Variants in SCNN1G observed in about 807,000 individuals in gnomAD.
The protein encoded by SCNN1G is sodium channel epithelial 1 subunit gamma.
In SCNN1G, 27 loss-of-function variants were observed where a neutral mutation model predicts 64.6. The observed-to-expected ratio is 0.42, with a 90% CI of 0.31 to 0.58. The LOEUF (loss-of-function observed/expected upper bound fraction) is 0.58, where lower values mean the gene tolerates loss of function less well. Among genes scored for constraint, SCNN1G ranks in the 20% least tolerant of loss-of-function variants. The probability of loss-of-function intolerance (pLI) is 0.18; values close to 1 mark genes in which losing one functional copy is unlikely to be tolerated. For missense variants in SCNN1G, 743 were observed against 823.4 expected (o/e 0.90, Z 1.19); for synonymous variants, 330 against 314.2 (o/e 1.05, Z -0.53).
chr16:23,186,806 T>C (rs1265784089), intron 2 of SCNN1G, among the ~76,000 whole-genome samples: 1 of 152,194 alleles, frequency 6.6e-6, no homozygotes, highest in Non-Finnish European at 1.5e-5. Flanking sequence ...GACTTGTTTT[T>C]TTTCTTTTCT....
rs896029487 is a variant in SCNN1G at position 23,190,831 on chromosome 16, ATTTTTTTTTTTTTT to A, written c.618+1177_618+1190del. Among the ~76,000 whole-genome samples, 14 of 56,232 alleles carry A rather than the reference ATTTTTTTTTTTTTT, an allele frequency of 2.5e-4. No homozygotes were observed. The Admixed American group carries it at 3.2e-3, about 13-fold the overall frequency. 36.9% of individuals were successfully genotyped at this position (56,232 alleles called of 152,430 possible). On this transcript the variant is annotated intron_variant, in intron 3 of 12. Transcript: ENST00000300061. Reference sequence around the variant, plus strand: ...TTCCCTTTTGGTCCCATTTGAGGGGATTTTTTTTTTTTTTTTTTTTTTTTTTTTTTGAGACAGAG... The same window carrying A: ...TTCCCTTTTGGTCCCATTTGAGGGGATTTTTTTTTTTTTTTTGAGACAGAG...
chr16:23,195,467 T>C (rs1456569619), intron 5 of SCNN1G, among the ~76,000 whole-genome samples: 2 of 152,212 alleles, frequency 1.3e-5, no homozygotes, highest in Non-Finnish European at 2.9e-5. Context: ...ATGTGATATG[T>C]AGATATACTC....
Position 23,216,658 on chromosome 16 carries a change from G to A in SCNN1G, c.*1189G>A, listed in dbSNP as rs1452022296. ...TATTTTTTATTTTTTGTAGAAATAGGATCTCACTATGTTGCCCAGGCTGTT... is the reference window on the plus strand; with the variant it reads ...TATTTTTTATTTTTTGTAGAAATAGAATCTCACTATGTTGCCCAGGCTGTT... On this transcript the variant is annotated 3_prime_UTR_variant, in exon 13 of 13. Transcript: ENST00000300061. The A allele has an allele frequency of 1.3e-5, 2 of 152,054 alleles. No individual in the cohort carries two copies. The highest frequency in any genetic ancestry group is 2.9e-5 in the Non-Finnish European group (2 of 68,008). The allele number at this position is 152,054 out of a possible 1,614,324, so 9.4% of individuals were successfully genotyped here. A position where few individuals can be genotyped will look rare whatever the true frequency, so the allele number is the denominator to read the frequency against.
chr16:23,190,115 G>A (rs1350454454), intron 3 of SCNN1G, among the ~76,000 whole-genome samples: 1 of 152,046 alleles, frequency 6.6e-6, no homozygotes, highest in East Asian at 1.9e-4. Context: ...AGAGCATTAG[G>A]ACAAATACCT....
At chr16:23,202,247 G>C (rs1357094363) in intron 6 of SCNN1G, among the ~76,000 whole-genome samples, 1 of 145,748 alleles carries the variant, frequency 6.9e-6, no homozygotes, top group Non-Finnish European at 1.5e-5. Flanking sequence ...ATGACAGATG[G>C]ATGGGTGGGT....
intron 4 of SCNN1G, 146 bp downstream of exon 4, chr16:23,192,688 A>C: frequency 1.4e-6 from 1 of 708,478 alleles, no homozygotes. Context: ...AACTGCTTAC[A>C]TGGGAGCTGT....
intron 6 of SCNN1G, among the ~76,000 whole-genome samples, chr16:23,201,023 G>A (rs1178543526): frequency 6.6e-6 from 1 of 152,212 alleles, no homozygotes; most frequent in Non-Finnish European, 1.5e-5. Context: ...GTATCAGCTT[G>A]AGCTGTGTGA....
In SCNN1G at chr16:23,189,522, C is replaced by G. The variant is rs561754036; in HGVS notation, c.469C>G (p.Arg157Gly). 1 of 1,614,226 alleles carries G rather than the reference C, an allele frequency of 6.2e-7. No individual in the cohort carries two copies. Among genetic ancestry groups the G allele is most frequent in the African/African-American group, 1.3e-5 (1 of 75,062 alleles). ...SEGKQPRFSH[R>G]IPLLIFDQDE... ...GGGAAAGCAGCCTAGATTCTCCCAC[C>G]GGATTCCGCTGCTGATCTTTGATCA... Residue 157 changes from arginine (R) to glycine (G), a missense_variant, in exon 3 of 13, where the codon CGG (arginine) becomes GGG (glycine). Physicochemically the swap from Arg to Gly is moderately radical, Grantham distance 125. Coordinates refer to ENST00000300061, the MANE Select transcript of SCNN1G (RefSeq NM_001039.4).
chr16:23,209,888 C>A, intron 7 of SCNN1G, 40 bp downstream of exon 7: 2 of 1,435,914 alleles, frequency 1.4e-6, no homozygotes, highest in Non-Finnish European at 2.0e-6. Flanking sequence ...GGGTTTATGG[C>A]CCGGACCCAG....
intron 3 of SCNN1G, 92 bp from the exon 4 acceptor site, chr16:23,192,260 G>GTTC: frequency 9.7e-7 from 1 of 1,031,056 alleles, no homozygotes; most frequent in Non-Finnish European, 1.5e-6. Context: ...CTGAGTATCT[G>GTTC]GCCTGGAGTC....
chr16:23,210,824 G>C (rs1217112346), intron 7 of SCNN1G, among the ~76,000 whole-genome samples: 1 of 152,034 alleles, frequency 6.6e-6, no homozygotes, highest in African/African-American at 2.4e-5. Flanking sequence ...TTGAGCCCAG[G>C]AGTTTGAGAC....
intron 7 of SCNN1G, among the ~76,000 whole-genome samples, chr16:23,210,930 A>G (rs1215470648): frequency 6.6e-6 from 1 of 152,164 alleles, no homozygotes; most frequent in African/African-American, 2.4e-5. Flanking sequence ...CTCAGCTATA[A>G]GGGAGGCTGA....
At chr16:23,207,174 A>C (rs746568948) in intron 6 of SCNN1G, among the ~76,000 whole-genome samples, 1 of 152,200 alleles carries the variant, frequency 6.6e-6, no homozygotes, top group Non-Finnish European at 1.5e-5. Flanking sequence ...AGTTTCCTGG[A>C]AGCAGGCCAT....
chr16:23,183,720 G>A (rs1308724541), intron 1 of SCNN1G, among the ~76,000 whole-genome samples: 1 of 152,196 alleles, frequency 6.6e-6, no homozygotes, highest in Non-Finnish European at 1.5e-5. Context: ...ATTAAATCAG[G>A]TAGTGTGTGA....
chr16:23,203,639 A>G (rs559501543), intron 6 of SCNN1G, among the ~76,000 whole-genome samples: 18 of 151,830 alleles, frequency 1.2e-4, no homozygotes, highest in Middle Eastern at 3.4e-3. Context: ...GTGTGGTGGC[A>G]GGCGCCTGTA....
At chr16:23,204,328 TATATATAGAGAGAG>T (rs1316793074) in intron 6 of SCNN1G, among the ~76,000 whole-genome samples, 7 of 45,044 alleles carry the variant, frequency 1.6e-4, no homozygotes, top group African/African-American at 3.4e-4. Context: ...TATATATATA[TATATATAGAGAGAG>T]AGAGAGAGAG....
At chr16:23,204,334 T>TATATATATATATATAGAGAGAG (rs1567267153) in intron 6 of SCNN1G, among the ~76,000 whole-genome samples, 4 of 15,174 alleles carry the variant, frequency 2.6e-4, no homozygotes, top group African/African-American at 8.5e-4. Context: ...TATATATATA[T>TATATATATATATATAGAGAGAG]AGAGAGAGAG....
Position 23,197,384 on chromosome 16 carries a change from C to G in SCNN1G, c.1034C>G (p.Thr345Arg). 6.2e-7 allele frequency: 1 copy of G among 1,614,054 alleles called. No individual in the cohort carries two copies. Residue 345 changes from threonine (T) to arginine (R), a missense_variant, in exon 6 of 13, where the codon ACA becomes AGA. Coordinates refer to ENST00000300061, the MANE Select transcript of SCNN1G (RefSeq NM_001039.4). ...DEYPFVEDVG[T>R]EIETAMVTSI... ...TATCCCTTCGTCGAAGATGTGGGAA[C>G]AGAGATTGAGACAGCAATGGTCACC...
intron 1 of SCNN1G, among the ~76,000 whole-genome samples, chr16:23,184,551 T>C (rs1484208558): frequency 6.6e-6 from 1 of 152,164 alleles, no homozygotes; most frequent in Non-Finnish European, 1.5e-5. Flanking sequence ...TTTGATGGTG[T>C]TCTTCATCCC....
Sources: gnomAD v4.1 joint callset for allele counts (sites outside exome capture counted in the v4.1 genomes callset) on GRCh38, gnomAD v4.1.1 for gene constraint, MANE v1.5 for transcripts, NCBI Gene and HGNC (gene_info 2026-07-23, HGNC 2026-07-21) for gene names.